The following LSM3 variants were observed in gnomAD, a reference collection of about 807,000 sequenced individuals.
LSM3 encodes U6 snRNA-associated Sm-like protein LSm3.
In LSM3, 14 loss-of-function variants were observed where a neutral mutation model predicts 15.4. The ratio of observed to expected loss-of-function variants is 0.91; its 90% CI spans 0.60 to 1.42. The LOEUF (loss-of-function observed/expected upper bound fraction) is 1.42. Among genes scored for constraint, LSM3 ranks in the 40% most tolerant of loss-of-function variants. The probability of loss-of-function intolerance (pLI) is 0.00; values close to 1 mark genes in which losing one functional copy is unlikely to be tolerated. For synonymous variants in LSM3, 46 were observed against 45.1 expected (o/e 1.02, Z -0.08); for missense variants, 88 against 127.9 (o/e 0.69, Z 1.50).
chr3:14,185,196 C>T (rs1227587497), intron 3 of LSM3, among the ~76,000 whole-genome samples: 2 of 151,900 alleles, frequency 1.3e-5, no homozygotes, highest in South Asian at 4.2e-4. Context: ...ACTAAAAATA[C>T]AAAATATTAG....
chr3:14,181,818 G>A (rs1390078782), intron 2 of LSM3, 148 bp downstream of exon 2: 9 of 555,134 alleles, frequency 1.6e-5, no homozygotes, highest in African/African-American at 9.6e-5. Context: ...AAATAAAGCG[G>A]CATGTATTCA....
At chr3:14,192,010 C>T (rs1697144427) in intron 3 of LSM3, among the ~76,000 whole-genome samples, 1 of 152,162 alleles carries the variant, frequency 6.6e-6, no homozygotes, top group Admixed American at 6.5e-5. Context: ...CAAAGAACAT[C>T]TTTATTTCTG....
intron 3 of LSM3, among the ~76,000 whole-genome samples, chr3:14,195,054 A>G (rs1697175980): frequency 6.6e-6 from 1 of 152,116 alleles, no homozygotes; most frequent in Non-Finnish European, 1.5e-5. Flanking sequence ...GTGGTTCTGC[A>G]CTGCTGGAGT....
chr3:14,188,925 T>C (rs1157970567), intron 3 of LSM3, among the ~76,000 whole-genome samples: 5 of 152,122 alleles, frequency 3.3e-5, no homozygotes, highest in African/African-American at 1.2e-4. Flanking sequence ...TCACCTACAT[T>C]ATTTCTCCTA....
chr3:14,194,753 C>G (rs1212332431), intron 3 of LSM3, among the ~76,000 whole-genome samples: 2 of 135,444 alleles, frequency 1.5e-5, no homozygotes, highest in Non-Finnish European at 3.1e-5. Context: ...ATACTTTTCT[C>G]TGATATTGAG....
chr3:14,186,932 C>T (rs773181516), intron 3 of LSM3, among the ~76,000 whole-genome samples: 1 of 152,136 alleles, frequency 6.6e-6, no homozygotes, highest in East Asian at 1.9e-4. Flanking sequence ...GAATATGTGG[C>T]TTTAATATTC....
rs188576270 is a variant in LSM3 at position 14,195,986 on chromosome 3, T to G, written c.229-2050T>G. Among the ~76,000 whole-genome samples, 1,455 of 147,954 alleles carry G rather than the reference T, an allele frequency of 9.8e-3. 9 individuals are homozygous for G. Among genetic ancestry groups the G allele is most frequent in the Non-Finnish European group, 0.016 (1,066 of 67,378 alleles). ...TTTTTTCTTTGAGACGGAGTCTCAC[T>G]CTGTCACCCAGGCTGGAGTGCAGTG... On this transcript the variant is annotated intron_variant, in intron 3 of 3. Coordinates refer to ENST00000306024, the MANE Select transcript of LSM3 (RefSeq NM_014463.3).
At chr3:14,187,298 G>A (rs926244034) in intron 3 of LSM3, among the ~76,000 whole-genome samples, 3 of 152,216 alleles carry the variant, frequency 2.0e-5, no homozygotes, top group African/African-American at 7.2e-5. Context: ...GGCTACTGGG[G>A]CTGGTTAGCT....
chr3:14,187,177 CTGTT>C (rs1390927393), intron 3 of LSM3, among the ~76,000 whole-genome samples: 5 of 152,298 alleles, frequency 3.3e-5, no homozygotes, highest in African/African-American at 7.2e-5. Context: ...CCTCCTGACA[CTGTT>C]TGAAGGTGCT....
At chr3:14,185,151 G>C (rs1422073881) in intron 3 of LSM3, among the ~76,000 whole-genome samples, 1 of 151,934 alleles carries the variant, frequency 6.6e-6, no homozygotes, top group Non-Finnish European at 1.5e-5. Flanking sequence ...AGGAGTTCGA[G>C]ACCACCCTGG....
At position 14,190,761 on chromosome 3, in the gene LSM3, C is replaced by A. The variant is rs59976158; in HGVS notation, c.228+6729C>A. 9.9e-3 allele frequency among the ~76,000 whole-genome samples: 1,507 copies of A among 152,256 alleles called. 26 individuals carry two copies. The highest frequency in any genetic ancestry group is 0.034 in the African/African-American group (1,415 of 41,524). The stretch of plus-strand genomic sequence containing the variant: ...ACAGAAAATTTGACTTCCTCTCTTC[C>A]TATTTGAATACCCTTTATTGCTTTC... On this transcript the variant is annotated intron_variant, in intron 3 of 3. Coordinates refer to ENST00000306024, the MANE Select transcript of LSM3 (RefSeq NM_014463.3).
intron 3 of LSM3, among the ~76,000 whole-genome samples, chr3:14,195,068 T>A (rs72624483): frequency 0.052 from 7,891 of 152,180 alleles, 460 homozygotes; most frequent in East Asian, 0.22. Context: ...CTGGAGTTTG[T>A]TTCTCAATGA....
chr3:14,179,335 CGAG>C (rs749569537), intron 1 of LSM3, among the ~76,000 whole-genome samples: 75 of 152,084 alleles, frequency 4.9e-4, no homozygotes, highest in Non-Finnish European at 8.1e-4. Context: ...CTTATATTTG[CGAG>C]GAGAACAGAT....
intron 3 of LSM3, among the ~76,000 whole-genome samples, chr3:14,196,206 C>G (rs1697185929): frequency 6.6e-6 from 1 of 152,058 alleles, no homozygotes; most frequent in Non-Finnish European, 1.5e-5. Context: ...ATCCACCTGC[C>G]TCATCCTCCT....
chr3:14,192,235 T>G (rs1697146688), intron 3 of LSM3, among the ~76,000 whole-genome samples: 1 of 152,232 alleles, frequency 6.6e-6, no homozygotes, highest in South Asian at 2.1e-4. Flanking sequence ...TGTGATGTGG[T>G]GCTGAGAAGA....
chr3:14,190,039 A>G (rs1258410280), intron 3 of LSM3, among the ~76,000 whole-genome samples: 1 of 152,190 alleles, frequency 6.6e-6, no homozygotes, highest in African/African-American at 2.4e-5. Context: ...TCCCAACACC[A>G]TTTATTAAAT....
Position 14,178,835 on chromosome 3 carries a change from G to T in LSM3, c.-26G>T. ...CGTTGCTCTTGTGTTCTCGCGAGAG[G>T]CGGGAAAGGGCGCAGGGTTTGAAAC... On this transcript the variant is annotated 5_prime_UTR_variant, in exon 1 of 4. Coordinates refer to ENST00000306024, the MANE Select transcript of LSM3 (RefSeq NM_014463.3). 1 of 1,614,210 alleles carries T rather than the reference G, an allele frequency of 6.2e-7. No homozygotes were observed. The highest frequency in any genetic ancestry group is 1.1e-5 in the South Asian group (1 of 91,088).
At position 14,198,666 on chromosome 3, in the gene LSM3, C is replaced by A. The variant is rs1697207412; in HGVS notation, c.*550C>A. On this transcript the variant is annotated 3_prime_UTR_variant, in exon 4 of 4. Transcript: ENST00000306024. Reference sequence around the variant, plus strand: ...CTGAGGTCAGGCGTTTGAGACCAGCCTGGCCAACATGGTGAAACCCTTTCT... The same window carrying A: ...CTGAGGTCAGGCGTTTGAGACCAGCATGGCCAACATGGTGAAACCCTTTCT... 6.5e-6 allele frequency: 1 copy of A among 152,902 alleles called. No homozygotes were observed. The highest frequency in any genetic ancestry group is 6.5e-5 in the Admixed American group (1 of 15,370). The allele number at this position is 152,902 out of a possible 1,614,324, so 9.5% of individuals were successfully genotyped here. A position where few individuals can be genotyped will look rare whatever the true frequency, so the allele number is the denominator to read the frequency against.
intron 1 of LSM3, 48 bp from the exon 2 acceptor site, chr3:14,181,512 A>T (rs1165700936): frequency 1.7e-6 from 2 of 1,203,804 alleles, no homozygotes; most frequent in Non-Finnish European, 2.5e-6. Flanking sequence ...TGATTTAAGC[A>T]CTACTCTGAC....
Sources: gnomAD v4.1 joint callset for allele counts (sites outside exome capture counted in the v4.1 genomes callset) on GRCh38, gnomAD v4.1.1 for gene constraint, MANE v1.5 for transcripts, NCBI Gene and HGNC (gene_info 2026-07-23, HGNC 2026-07-21) for gene names.